Variants in KIAA0586 observed in about 807,000 individuals in gnomAD.
KIAA0586 encodes the protein protein TALPID3.
Under a neutral mutation model 169.8 loss-of-function variants are expected in KIAA0586, and 144 were observed. The observed-to-expected ratio is 0.85, with a 90% CI of 0.74 to 0.97. The LOEUF (loss-of-function observed/expected upper bound fraction) is 0.97. Among genes scored for constraint, KIAA0586 ranks in the 50% least tolerant of loss-of-function variants. The pLI is 0.00. For synonymous variants in KIAA0586, 625 were observed against 612.4 expected (o/e 1.02, Z -0.30); for missense variants, 1,854 against 1,823.0 (o/e 1.02, Z -0.31).
At chr14:58,440,174 C>T (rs1354426430) in intron 4 of KIAA0586, 1 of 448,320 alleles carries the variant, frequency 2.2e-6, no homozygotes, top group South Asian at 1.6e-5. Flanking sequence ...TGTAGCACTA[C>T]ACCCACCTAA....
chr14:58,428,540 C>T, intron 1 of KIAA0586, 77 bp downstream of exon 1: 1 of 1,096,702 alleles, frequency 9.1e-7, no homozygotes, highest in South Asian at 1.4e-5. Context: ...AATTCCCAAA[C>T]GTAAGATATA....
intron 17 of KIAA0586, among the ~76,000 whole-genome samples, chr14:58,471,478 C>A (rs936478342): frequency 1.2e-4 from 19 of 152,298 alleles, no homozygotes; most frequent in Middle Eastern, 3.4e-3. Flanking sequence ...CTTTACTACA[C>A]AGCAAAATAG....
rs899283160 is a variant in KIAA0586 at position 58,492,041 on chromosome 14, A to T, written c.3859-103A>T. 3.4e-6 allele frequency: 3 copies of T among 881,070 alleles called. No homozygotes were observed. In the African/African-American group the frequency reaches 5.1e-5, roughly 15 times the overall value. The allele number at this position is 881,070 out of a possible 1,614,324, so 54.6% of individuals were successfully genotyped here. A position where few individuals can be genotyped will look rare whatever the true frequency, so the allele number is the denominator to read the frequency against. On this transcript the variant is annotated intron_variant, in intron 25 of 30. Transcript: ENST00000652326. ...TCATCTCCTTTCCAAAAATGCTAAT[A>T]TCATCATCTCATGACTGATAAGTTT...
At chr14:58,521,463 C>A in intron 29 of KIAA0586, 1 of 762,012 alleles carries the variant, frequency 1.3e-6, no homozygotes, top group Non-Finnish European at 2.4e-6. Flanking sequence ...TGGACCATGA[C>A]TTTCAACGGG....
chr14:58,477,417 A>G (rs1255334918), intron 20 of KIAA0586, among the ~76,000 whole-genome samples, 176 bp downstream of exon 20: 3 of 152,088 alleles, frequency 2.0e-5, no homozygotes, highest in Non-Finnish European at 4.4e-5. Flanking sequence ...CTCTTATTTC[A>G]TATTGCAGCT....
In KIAA0586 at chr14:58,548,885, C is replaced by T. The variant is rs879404543; in HGVS notation, c.*953C>T. 6.6e-5 allele frequency: 10 copies of T among 152,104 alleles called. No homozygotes were observed. Among genetic ancestry groups the T allele is most frequent in the Non-Finnish European group, 1.0e-4 (7 of 68,032 alleles). 9.4% of individuals were successfully genotyped at this position (152,104 alleles called of 1,614,324 possible). On this transcript the variant is annotated 3_prime_UTR_variant, in exon 31 of 31. Coordinates refer to ENST00000652326, the MANE Select transcript of KIAA0586 (RefSeq NM_001329943.3). Reference sequence around the variant, plus strand: ...CTTCTTGCTTTGTGATAGGGGCCAACGAAACGCCTTCTTATCAGCTGTTTC... The same window carrying T: ...CTTCTTGCTTTGTGATAGGGGCCAATGAAACGCCTTCTTATCAGCTGTTTC...
rs371365932 is a variant in KIAA0586, at chr14:58,450,701, A to T, written c.1084A>T (p.Asn362Tyr). ...GGATGATGAACTATCAAAGAGGGAA[A>T]ATCTTTTGGAAGAAAAAGAAAATAT... ...SRDDELSKRE[N>Y]LLEEKENMEV... The change falls in exon 8 of 31, where the codon AAT (asparagine) becomes TAT (tyrosine). Residue 362 changes from asparagine to tyrosine, a missense_variant. Transcript: ENST00000652326. The T allele has an allele frequency of 6.2e-7, 1 of 1,609,050 alleles. No homozygotes were observed. Among genetic ancestry groups the T allele is most frequent in the African/African-American group, 1.3e-5 (1 of 74,826 alleles).
intron 14 of KIAA0586, among the ~76,000 whole-genome samples, chr14:58,463,021 G>A (rs1411310901): frequency 6.6e-6 from 1 of 152,152 alleles, no homozygotes; most frequent in Non-Finnish European, 1.5e-5. Flanking sequence ...TTTGGGTAGG[G>A]ACACAGAGCC....
intron 29 of KIAA0586, chr14:58,521,573 T>C: frequency 1.1e-6 from 1 of 941,722 alleles, no homozygotes. Flanking sequence ...TCAGGAAACA[T>C]GAAGGGGAAA....
chr14:58,467,670 G>A (rs1487637557), intron 15 of KIAA0586, 65 bp from the exon 16 acceptor site: 1 of 1,125,942 alleles, frequency 8.9e-7, no homozygotes, highest in Non-Finnish European at 1.3e-6. Context: ...AGATCCAGAT[G>A]GTATATTAGA....
intron 29 of KIAA0586, chr14:58,522,015 T>C (rs527844078): frequency 8.0e-7 from 1 of 1,248,068 alleles, no homozygotes; most frequent in East Asian, 2.3e-5. Context: ...TTTAGAAATC[T>C]TATCCCATCA....
At position 58,488,685 on chromosome 14, in the gene KIAA0586, C is replaced by T; in HGVS notation, c.3592C>T (p.Pro1198Ser). 2 of 1,613,928 alleles carry T rather than the reference C, an allele frequency of 1.2e-6. No homozygotes were observed. The highest frequency in any genetic ancestry group is 1.7e-6 in the Non-Finnish European group (2 of 1,179,842). The change falls in exon 24 of 31, where the codon CCA becomes TCA. Residue 1198 changes from proline to serine, a missense_variant. Pro to Ser is a moderately conservative substitution (Grantham distance 74). Transcript: ENST00000652326. Reference protein sequence around the residue: ...SMDFPAQPPPPEPVPFMPFPA... With the variant: ...SMDFPAQPPPSEPVPFMPFPA... The stretch of plus-strand genomic sequence containing the variant: ...GGATTTCCCTGCTCAGCCTCCACCT[C>T]CAGAGCCAGTTCCCTTTATGCCATT...
At chr14:58,457,734 C>T (rs2039990130) in intron 10 of KIAA0586, 25 bp from the exon 11 acceptor site, 2 of 1,468,728 alleles carry the variant, frequency 1.4e-6, no homozygotes, top group Middle Eastern at 4.8e-4. Context: ...AGTTTAGTAA[C>T]TTTCTGGTCT....
At chr14:58,512,746 G>T in intron 29 of KIAA0586, 119 bp downstream of exon 29, 1 of 596,060 alleles carries the variant, frequency 1.7e-6, no homozygotes. Flanking sequence ...GTTTTCTTTT[G>T]TTTTCTCTCA....
At position 58,486,994 on chromosome 14, in the gene KIAA0586, T is replaced by G. The variant is rs1171062015; in HGVS notation, c.3145-13T>G. The G allele has an allele frequency of 6.3e-7, 1 of 1,579,546 alleles. No homozygotes were observed. The highest frequency in any genetic ancestry group is 8.6e-7 in the Non-Finnish European group (1 of 1,164,686). The stretch of plus-strand genomic sequence containing the variant: ...GATTATAAACACAGTTTATCTTGTT[T>G]TATTTATTTTAGGCAAGAGTGTGCA... On this transcript the variant is annotated splice_polypyrimidine_tract_variant and intron_variant, in intron 21 of 30. Transcript: ENST00000652326.
At chr14:58,499,704 GCC>G (rs2043421189) in intron 27 of KIAA0586, among the ~76,000 whole-genome samples, 1 of 151,734 alleles carries the variant, frequency 6.6e-6, no homozygotes, top group African/African-American at 2.4e-5. Context: ...GATTACAGGC[GCC>G]TGCCACCATG....
intron 4 of KIAA0586, among the ~76,000 whole-genome samples, chr14:58,436,457 G>T (rs1178121284): frequency 6.6e-6 from 1 of 152,096 alleles, no homozygotes; most frequent in East Asian, 1.9e-4. Context: ...GATAAATTAA[G>T]AGACTCAACA....
chr14:58,427,713 A>G (rs2036938599), upstream of KIAA0586: 1 of 1,534,798 alleles, frequency 6.5e-7, no homozygotes, highest in Non-Finnish European at 8.7e-7. Context: ...CCTGCGGGCA[A>G]CTGACGCTGT....
intron 4 of KIAA0586, among the ~76,000 whole-genome samples, chr14:58,438,373 G>A (rs1435451353): frequency 6.6e-6 from 1 of 152,088 alleles, no homozygotes; most frequent in East Asian, 1.9e-4. Context: ...ACTTCAGGCA[G>A]AAACCTTAAA....
Sources: allele counts gnomAD v4.1 joint callset (sites outside exome capture counted in the v4.1 genomes callset), GRCh38; gene constraint gnomAD v4.1.1; transcripts MANE v1.5; gene names NCBI Gene and HGNC (gene_info 2026-07-23, HGNC 2026-07-21).